CDH20: variants seen among roughly 807,000 people sequenced by gnomAD.
The protein encoded by CDH20 is cadherin-20.
In CDH20, 29 loss-of-function variants were observed where a neutral mutation model predicts 74.2. That is an observed-to-expected ratio of 0.39 (90% CI 0.29 to 0.53). CDH20 has a LOEUF of 0.53. Ranked by LOEUF, CDH20 falls within the 20% of genes least tolerant of loss-of-function variation. The pLI is 0.69. For synonymous variants in CDH20, 469 were observed against 405.4 expected (o/e 1.16, Z -1.88); for missense variants, 988 against 1,048.3 (o/e 0.94, Z 0.79).
chr18:61,464,019 G>A (rs142975576), intron 1 of CDH20, among the ~76,000 whole-genome samples: 204 of 152,122 alleles, frequency 1.3e-3, no homozygotes, highest in African/African-American at 4.7e-3. Flanking sequence ...CATGGAGCCC[G>A]GCAGATATTA....
At chr18:61,356,254 G>T (rs1910492929) in intron 1 of CDH20, among the ~76,000 whole-genome samples, 1 of 152,176 alleles carries the variant, frequency 6.6e-6, no homozygotes, top group Non-Finnish European at 1.5e-5. Flanking sequence ...TCTTTGCAAT[G>T]TGCAGCAAAT....
intron 1 of CDH20, among the ~76,000 whole-genome samples, chr18:61,413,125 T>C (rs1912565947): frequency 6.6e-6 from 1 of 152,212 alleles, no homozygotes; most frequent in Non-Finnish European, 1.5e-5. Flanking sequence ...TTTATGTTTA[T>C]CTTACACATG....
intron 1 of CDH20, among the ~76,000 whole-genome samples, chr18:61,463,839 G>A (rs1413626994): frequency 2.0e-5 from 3 of 152,156 alleles, no homozygotes; most frequent in Non-Finnish European, 4.4e-5. Flanking sequence ...CCAAGGAGAT[G>A]TGACAGATGC....
chr18:61,544,023 C>T (rs1173809714), intron 9 of CDH20, among the ~76,000 whole-genome samples: 2 of 152,260 alleles, frequency 1.3e-5, no homozygotes, highest in Non-Finnish European at 2.9e-5. Context: ...TGATGTCTAA[C>T]ATCTGAAGTA....
At chr18:61,346,061 G>A (rs1001436552) in intron 1 of CDH20, among the ~76,000 whole-genome samples, 1 of 152,142 alleles carries the variant, frequency 6.6e-6, no homozygotes, top group African/African-American at 2.4e-5. Flanking sequence ...CTACCCTTAT[G>A]TCTAATTCTG....
chr18:61,458,962 A>T (rs781529048), intron 1 of CDH20, among the ~76,000 whole-genome samples: 27 of 152,216 alleles, frequency 1.8e-4, no homozygotes, highest in Non-Finnish European at 1.8e-4. Context: ...AGAAGCACAG[A>T]TCTATTTCTG....
intron 6 of CDH20, among the ~76,000 whole-genome samples, chr18:61,518,865 G>C (rs1043001095): frequency 6.6e-6 from 1 of 151,148 alleles, no homozygotes; most frequent in Non-Finnish European, 1.5e-5. Context: ...AGGAAGCTAA[G>C]AACCTTGAAA....
chr18:61,346,720 C>T lies in CDH20; in HGVS notation c.-153+12893C>T, dbSNP rs531137920. ...CACTAATTGAGAGAACAGAAGAGGT[C>T]GGGATTGTGTGAAATTGTAAATGAT... On this transcript the variant is annotated intron_variant, in intron 1 of 11. Coordinates refer to ENST00000262717, the MANE Select transcript of CDH20 (RefSeq NM_031891.4). Among the ~76,000 whole-genome samples, 7 of 152,170 alleles carry T rather than the reference C, an allele frequency of 4.6e-5. No homozygotes were observed. The South Asian group carries it at 8.3e-4, about 18-fold the overall frequency.
intron 6 of CDH20, among the ~76,000 whole-genome samples, chr18:61,520,661 A>G (rs484989): frequency 0.95 from 143,964 of 150,808 alleles, 68,864 homozygotes; most frequent in East Asian, 0.99. Flanking sequence ...GACATCACCA[A>G]TCTAAAATTG....
At chr18:61,395,877 A>G (rs1911950195) in intron 1 of CDH20, among the ~76,000 whole-genome samples, 1 of 152,200 alleles carries the variant, frequency 6.6e-6, no homozygotes, top group Non-Finnish European at 1.5e-5. Flanking sequence ...TACTGAAAAT[A>G]CAAAAATTAG....
intron 7 of CDH20, among the ~76,000 whole-genome samples, chr18:61,533,110 G>C (rs375810024): frequency 7.2e-5 from 11 of 152,146 alleles, no homozygotes; most frequent in Non-Finnish European, 1.3e-4. Context: ...GGCAACACAG[G>C]CTGTTTAAAA....
chr18:61,460,732 G>A (rs2144357497), intron 1 of CDH20, among the ~76,000 whole-genome samples: 1 of 152,230 alleles, frequency 6.6e-6, no homozygotes, highest in East Asian at 1.9e-4. Context: ...TGACCATATG[G>A]TTTATTTATT....
chr18:61,491,803 C>A (rs686039), intron 2 of CDH20, among the ~76,000 whole-genome samples: 151,595 of 151,970 alleles, frequency 1, 75,612 homozygotes, highest in Non-Finnish European at 1. Context: ...CCAGTCACAA[C>A]CTCAGACACT....
At chr18:61,433,992 A>G (rs1395485586) in intron 1 of CDH20, among the ~76,000 whole-genome samples, 1 of 152,098 alleles carries the variant, frequency 6.6e-6, no homozygotes, top group African/African-American at 2.4e-5. Context: ...TCCCTGAAGA[A>G]AGGTCTGGGA....
chr18:61,358,850 T>C (rs1346197854), intron 1 of CDH20, among the ~76,000 whole-genome samples: 2 of 152,234 alleles, frequency 1.3e-5, no homozygotes, highest in Non-Finnish European at 2.9e-5. Context: ...TTGTTTGATA[T>C]ATTCACTGGA....
intron 1 of CDH20, among the ~76,000 whole-genome samples, chr18:61,421,256 G>A (rs1447101291): frequency 1.3e-5 from 2 of 152,076 alleles, no homozygotes; most frequent in Non-Finnish European, 2.9e-5. Flanking sequence ...GTAAAACAAA[G>A]GGATAGCAAA....
At chr18:61,406,592 A>G (rs1421145887) in intron 1 of CDH20, among the ~76,000 whole-genome samples, 2 of 152,256 alleles carry the variant, frequency 1.3e-5, no homozygotes, top group Non-Finnish European at 2.9e-5. Context: ...ACTCTGCAAG[A>G]TAGAAACAGG....
chr18:61,483,032 G>A lies in CDH20; in HGVS notation c.-152-7370G>A, dbSNP rs117370152. Among the ~76,000 whole-genome samples the A allele has an allele frequency of 6.7e-3, 1,015 of 152,192 alleles. 36 individuals are homozygous for A. In the East Asian group the frequency reaches 0.068, roughly 10 times the overall value. On this transcript the variant is annotated intron_variant, in intron 1 of 11. Coordinates refer to ENST00000262717, the MANE Select transcript of CDH20 (RefSeq NM_031891.4). The stretch of plus-strand genomic sequence containing the variant: ...CCTGCATCTGCACCATGGTATCTGC[G>A]TTTTCTTTAACTGGGAATGCCCTTT...
chr18:61,420,644 G>A (rs1912842961), intron 1 of CDH20, among the ~76,000 whole-genome samples: 1 of 152,168 alleles, frequency 6.6e-6, no homozygotes, highest in Admixed American at 6.5e-5. Flanking sequence ...TGGAACTGCA[G>A]TGGTACACAG....
Sources: allele counts gnomAD v4.1 joint callset (sites outside exome capture counted in the v4.1 genomes callset), GRCh38; gene constraint gnomAD v4.1.1; transcripts MANE v1.5; gene names NCBI Gene and HGNC (gene_info 2026-07-23, HGNC 2026-07-21).